UBA5: variants seen among roughly 807,000 people sequenced by gnomAD.
UBA5 encodes the protein ubiquitin like modifier activating enzyme 5, also known as ubiquitin-like modifier-activating enzyme 5.
A neutral mutation model predicts 52.9 loss-of-function variants in UBA5; 28 were observed. That is an observed-to-expected ratio of 0.53 (90% CI 0.39 to 0.73). The LOEUF (loss-of-function observed/expected upper bound fraction) is 0.73, where lower values mean the gene tolerates loss of function less well. Among genes scored for constraint, UBA5 ranks in the 30% least tolerant of loss-of-function variants. The probability of loss-of-function intolerance (pLI) is 0.00; values close to 1 mark genes in which losing one functional copy is unlikely to be tolerated. For synonymous variants in UBA5, 135 were observed against 162.1 expected, an observed-to-expected ratio of 0.83 and a Z score of 1.27; for missense variants, 388 against 492.7, an observed-to-expected ratio of 0.79 and a Z score of 2.01.
chr3:132,665,604 C>G (rs1938344392), intron 1 of UBA5: 2 of 501,146 alleles, frequency 4.0e-6, no homozygotes, highest in Admixed American at 7.2e-5. Flanking sequence ...TTTTAAAAAC[C>G]AATCTTGTTT....
Position 132,668,917 on chromosome 3 carries a change from C to A in UBA5, c.397C>A (p.His133Asn). 6.2e-7 allele frequency: 1 copy of A among 1,602,150 alleles called. No individual in the cohort carries two copies. The highest frequency in any genetic ancestry group is 1.1e-5 in the South Asian group (1 of 89,028). Residue 133 changes from histidine to asparagine, a missense_variant, in exon 4 of 12, where the codon CAT becomes AAT. This residue lies in a region of UBA5 where 277 missense variants were observed against 326.4 expected (regional missense o/e 0.85). Transcript: ENST00000356232. ...AGLSKVQAAE[H>N]TLRNINPDVL... is the part of the protein sequence containing the mutation. ...ATTAAGTAAAGTTCAAGCAGCAGAACATACTCTGAGGTAAATGGAATAGCA... is the reference window on the plus strand; with the variant it reads ...ATTAAGTAAAGTTCAAGCAGCAGAAAATACTCTGAGGTAAATGGAATAGCA...
intron 1 of UBA5, 127 bp from the exon 2 acceptor site, chr3:132,665,696 C>T (rs1232790962): frequency 1.1e-6 from 1 of 930,066 alleles, no homozygotes; most frequent in East Asian, 2.6e-5. Flanking sequence ...CTGTAAGCAT[C>T]CTCCTCTTTG....
At position 132,679,140 on chromosome 3, in the gene UBA5, T is replaced by A. The variant is rs1039250036; in HGVS notation, c.*2614T>A. On this transcript the variant is annotated 3_prime_UTR_variant, in exon 12 of 12. Coordinates refer to ENST00000356232, the MANE Select transcript of UBA5 (RefSeq NM_024818.6). ...AAAATTAGCCGGGCGTGGTGGTGCG[T>A]GACTGTAATCCCAGCTACTTAGGAG... is the stretch of plus-strand genomic sequence containing the variant. Among the ~76,000 whole-genome samples, 5 of 151,802 alleles carry A rather than the reference T, an allele frequency of 3.3e-5. No homozygotes were observed. Among genetic ancestry groups the A allele is most frequent in the Non-Finnish European group, 7.4e-5 (5 of 67,964 alleles).
chr3:132,675,342 T>C lies in UBA5; in HGVS notation c.907T>C (p.Cys303Arg), dbSNP rs1553770577. 4 of 1,613,718 alleles carry C rather than the reference T, an allele frequency of 2.5e-6. No individual in the cohort carries two copies. The highest frequency in any genetic ancestry group is 3.4e-6 in the Non-Finnish European group (4 of 1,179,810). ...PTMSMKPNPQ[C>R]DDRNCRKQQE... ...TATGTCCATGAAGCCAAATCCTCAG[T>C]GTGATGACAGAAATTGCAGGAAGCA... The change falls in exon 9 of 12, where the codon TGT becomes CGT. Residue 303 changes from cysteine (C) to arginine (R), a missense_variant. Around this residue, in one of 3 missense-constraint regions of UBA5, gnomAD observed 277 missense variants for 326.4 expected, o/e 0.85. Transcript: ENST00000356232.
In UBA5 at chr3:132,672,015, C is replaced by CT. The variant is rs59956066; in HGVS notation, c.685-26dup. ...ATTTGGAACATCTCATACTTTTTCT[C>CT]TTTTTTTTTGAAATGTGTTTTATTT... On this transcript the variant is annotated intron_variant, in intron 7 of 11. Coordinates refer to ENST00000356232, the MANE Select transcript of UBA5 (RefSeq NM_024818.6). The CT allele has an allele frequency of 1.7e-4, 265 of 1,591,424 alleles. 1 individual carries two copies. The highest frequency in any genetic ancestry group is 1.5e-3 in the East Asian group (66 of 44,328).
At chr3:132,668,763 A>G (rs1230293856) in intron 3 of UBA5, 55 bp from the exon 4 acceptor site, 3 of 1,109,962 alleles carry the variant, frequency 2.7e-6, no homozygotes, top group Admixed American at 4.5e-5. Context: ...TTATTTTTTG[A>G]TATGTTTAGT....
rs778668228 is a variant in UBA5, at chr3:132,671,047, A to G, written c.577A>G (p.Thr193Ala). ...TTTTGAAGCTCGAATGACAATAAAT[A>G]CAGTGAGTATTCCTGCTGTGCAAGA... ...DNFEARMTIN[T>A]ACNELGQTWM... Residue 193 changes from threonine to alanine, a missense_variant and splice_region_variant, in exon 6 of 12, where the codon ACA (threonine) becomes GCA (alanine). Thr to Ala is a moderately conservative substitution (Grantham distance 58). Around this residue, in one of 3 missense-constraint regions of UBA5, gnomAD observed 277 missense variants for 326.4 expected, o/e 0.85. Transcript: ENST00000356232. 2 of 1,611,372 alleles carry G rather than the reference A, an allele frequency of 1.2e-6. No homozygotes were observed. The highest frequency in any genetic ancestry group is 1.3e-5 in the African/African-American group (1 of 74,862).
intron 1 of UBA5, chr3:132,661,137 T>C: frequency 8.8e-7 from 1 of 1,135,702 alleles, no homozygotes; most frequent in Non-Finnish European, 1.2e-6. Flanking sequence ...TTCTGAGATA[T>C]TCGGGTGCTC....
upstream of UBA5, chr3:132,659,500 AG>A: frequency 2.0e-6 from 3 of 1,519,740 alleles, no homozygotes; most frequent in Non-Finnish European, 2.7e-6. Flanking sequence ...CTGCAGGAAA[AG>A]CAATCAGGGT....
chr3:132,670,169 C>T (rs1349438898), intron 4 of UBA5, 29 bp from the exon 5 acceptor site: 2 of 1,096,652 alleles, frequency 1.8e-6, no homozygotes, highest in South Asian at 1.3e-5. Context: ...GGATTACAGG[C>T]TTATAATCAT....
intron 3 of UBA5, chr3:132,667,411 A>G (rs1938422774): frequency 6.6e-6 from 1 of 152,108 alleles, no homozygotes; most frequent in Non-Finnish European, 1.5e-5. Flanking sequence ...ACCCCATAAT[A>G]AGTGTCTCTG....
upstream of UBA5, among the ~76,000 whole-genome samples, chr3:132,657,003 C>T (rs1394962999): frequency 1.3e-5 from 2 of 151,978 alleles, no homozygotes; most frequent in African/African-American, 4.8e-5. Flanking sequence ...TCTGTCTTTT[C>T]ACTTTAAGTC....
chr3:132,671,417 C>A (rs76551480), intron 6 of UBA5, among the ~76,000 whole-genome samples: 3 of 150,660 alleles, frequency 2.0e-5, no homozygotes, highest in Non-Finnish European at 3.0e-5. Flanking sequence ...CCTGGTTTCT[C>A]AAAAAAAAAT....
In UBA5 at chr3:132,671,871, C is replaced by T. The variant is rs780658128; in HGVS notation, c.674C>T (p.Ala225Val). 1 of 1,613,026 alleles carries T rather than the reference C, an allele frequency of 6.2e-7. No homozygotes were observed. ...HIQLIIPGES[A>V]CFACAPPLVV... The stretch of plus-strand genomic sequence containing the variant: ...CAGCTTATAATTCCTGGAGAATCTG[C>T]TTGTTTTGCGGTATGCATTATTCTT... The change falls in exon 7 of 12, where the codon GCT (alanine) becomes GTT (valine). Residue 225 changes from alanine (A) to valine (V), a missense_variant. Around this residue, in one of 3 missense-constraint regions of UBA5, gnomAD observed 277 missense variants for 326.4 expected, o/e 0.85. Coordinates refer to ENST00000356232, the MANE Select transcript of UBA5 (RefSeq NM_024818.6).
chr3:132,672,278 A>G lies in UBA5; in HGVS notation c.812+101A>G, dbSNP rs574111179. 1.9e-5 allele frequency: 26 copies of G among 1,359,760 alleles called. No individual in the cohort carries two copies. The East Asian group carries it at 5.0e-4, about 26-fold the overall frequency. The allele number at this position is 1,359,760 out of a possible 1,614,324, so 84.2% of individuals were successfully genotyped here. A position where few individuals can be genotyped will look rare whatever the true frequency, so the allele number is the denominator to read the frequency against. On this transcript the variant is annotated intron_variant, in intron 8 of 11. Coordinates refer to ENST00000356232, the MANE Select transcript of UBA5 (RefSeq NM_024818.6). ...GAAACTGAAATTACAAGCTAAGTAT[A>G]TAATTTAGTTACTTTAAACTTAAAT...
upstream of UBA5, chr3:132,659,927 C>A (rs141106165): frequency 8.6e-6 from 6 of 696,168 alleles, no homozygotes; most frequent in Admixed American, 3.6e-5. Context: ...CGCTGAATCC[C>A]GAGGTTTTAG....
At chr3:132,661,026 G>A in intron 1 of UBA5, 1 of 1,376,044 alleles carries the variant, frequency 7.3e-7, no homozygotes, top group Non-Finnish European at 9.6e-7. Flanking sequence ...CAGAAGATGA[G>A]ATCAAATATT....
rs1386630181 is a variant in UBA5, at chr3:132,660,459, G to C, written c.-79G>C. 21 of 1,522,920 alleles carry C rather than the reference G, an allele frequency of 1.4e-5. No individual in the cohort carries two copies. Among genetic ancestry groups the C allele is most frequent in the Non-Finnish European group, 1.6e-5 (18 of 1,136,162 alleles). The allele number at this position is 1,522,920 out of a possible 1,614,324, so 94.3% of individuals were successfully genotyped here. Reference sequence around the variant, plus strand: ...CGAGGTGCCTCCCCACGTACCCCTCGCGGGCCCAGCCGAGCAACGTGGGGC... The same window carrying C: ...CGAGGTGCCTCCCCACGTACCCCTCCCGGGCCCAGCCGAGCAACGTGGGGC... On this transcript the variant is annotated 5_prime_UTR_variant, in exon 1 of 12. Transcript: ENST00000356232. The surrounding 1 kb of genome is among the most constrained non-coding windows in gnomAD (Gnocchi z 4.1).
Position 132,675,350 on chromosome 3 carries a change from C to A in UBA5, c.915C>A (p.Asp305Glu). The A allele has an allele frequency of 6.2e-7, 1 of 1,613,496 alleles. No homozygotes were observed. Among genetic ancestry groups the A allele is most frequent in the Non-Finnish European group, 8.5e-7 (1 of 1,179,782 alleles). The part of the protein sequence containing the change: ...MSMKPNPQCD[D>E]RNCRKQQEEY... ...TGAAGCCAAATCCTCAGTGTGATGA[C>A]AGAAATTGCAGGAAGCAGCAGGAGG... The change falls in exon 9 of 12, where the codon GAC becomes GAA. Residue 305 changes from aspartate (D) to glutamate (E), a missense_variant. Physicochemically the swap from Asp to Glu is conservative, Grantham distance 45. Around this residue, in one of 3 missense-constraint regions of UBA5, gnomAD observed 277 missense variants for 326.4 expected, o/e 0.85. Transcript: ENST00000356232.
Sources: gnomAD v4.1 joint callset for allele counts (sites outside exome capture counted in the v4.1 genomes callset) on GRCh38, gnomAD v4.1.1 for gene constraint, gnomAD v4.1.1 regional missense constraint, Gnocchi (gnomAD v3.1) non-coding constraint, MANE v1.5 for transcripts, NCBI Gene and HGNC (gene_info 2026-07-23, HGNC 2026-07-21) for gene names.